The following VAPA variants were observed in gnomAD, a reference collection of about 807,000 sequenced individuals.
VAPA encodes the protein VAMP associated protein A.
A neutral mutation model predicts 25.6 loss-of-function variants in VAPA; 6 were observed. The ratio of observed to expected loss-of-function variants is 0.23; its 90% confidence interval spans 0.13 to 0.46. The LOEUF (loss-of-function observed/expected upper bound fraction) is 0.46, where lower values mean the gene tolerates loss of function less well. Ranked by LOEUF, VAPA falls within the 20% of genes least tolerant of loss-of-function variation. The pLI, the probability that VAPA is intolerant of heterozygous loss-of-function variation, is 0.99. For missense variants in VAPA, 244 were observed against 302.1 expected (o/e 0.81, Z 1.43); for synonymous variants, 112 against 106.2 (o/e 1.05, Z -0.34).
chr18:9,950,595 T>TA (rs758252751), intron 5 of VAPA, 27 bp downstream of exon 5: 1 of 1,602,890 alleles, frequency 6.2e-7, no homozygotes, highest in South Asian at 1.1e-5. Flanking sequence ...GAAAATAAAT[T>TA]GATTGAAATG....
intron 1 of VAPA, among the ~76,000 whole-genome samples, chr18:9,929,731 T>G (rs1344903450): frequency 6.6e-6 from 1 of 152,152 alleles, no homozygotes; most frequent in African/African-American, 2.4e-5. Flanking sequence ...GCTCAAACTC[T>G]TAGCTATCTG....
intron 1 of VAPA, among the ~76,000 whole-genome samples, chr18:9,916,950 A>T (rs2069116662): frequency 6.6e-6 from 1 of 152,254 alleles, no homozygotes; most frequent in Non-Finnish European, 1.5e-5. Context: ...CTTGAAGATG[A>T]ATTAACAGTA....
intron 1 of VAPA, among the ~76,000 whole-genome samples, chr18:9,917,343 T>TG (rs767031380): frequency 3.4e-4 from 51 of 152,238 alleles, no homozygotes; most frequent in Non-Finnish European, 6.3e-4. Flanking sequence ...CTTGCTCTGT[T>TG]GCAGTGGCTC....
At position 9,946,457 on chromosome 18, in the gene VAPA, T is replaced by C. The variant is rs1436580771; in HGVS notation, c.418-3938T>C. ...ATTCGTAAACTTTCTTAAAACACTATGAGTTTTTTTTTGTGTGATTTTTTT... is the reference window on the plus strand; with the variant it reads ...ATTCGTAAACTTTCTTAAAACACTACGAGTTTTTTTTTGTGTGATTTTTTT... On this transcript the variant is annotated intron_variant, in intron 4 of 5. Coordinates refer to ENST00000400000, the MANE Select transcript of VAPA (RefSeq NM_194434.3). 2.7e-5 allele frequency among the ~76,000 whole-genome samples: 4 copies of C among 147,862 alleles called. No homozygotes were observed. In the South Asian group the frequency reaches 6.5e-4, roughly 24 times the overall value.
Position 9,958,949 on chromosome 18 carries a change from C to G in VAPA, c.*4738C>G, listed in dbSNP as rs2069579073. The G allele has an allele frequency of 1.3e-5, 2 of 152,196 alleles. No individual in the cohort carries two copies. Among genetic ancestry groups the G allele is most frequent in the South Asian group, 4.1e-4 (2 of 4,830 alleles). The allele number at this position is 152,196 out of a possible 1,614,324, so 9.4% of individuals were successfully genotyped here. ...TACCTGAGAAATTTATTTTGTCCAT[C>G]ATGTATTTCTCAAAGCAAAAGGTGG... On this transcript the variant is annotated 3_prime_UTR_variant, in exon 6 of 6. Coordinates refer to ENST00000400000, the MANE Select transcript of VAPA (RefSeq NM_194434.3).
intron 5 of VAPA, among the ~76,000 whole-genome samples, chr18:9,951,792 G>A (rs1405293460): frequency 2.0e-5 from 3 of 152,164 alleles, no homozygotes; most frequent in Non-Finnish European, 4.4e-5. Flanking sequence ...TAAATTAAAG[G>A]CACTGTGTTT....
chr18:9,925,413 A>G (rs1370657877), intron 1 of VAPA, among the ~76,000 whole-genome samples: 2 of 152,122 alleles, frequency 1.3e-5, no homozygotes, highest in African/African-American at 2.4e-5. Context: ...TGTTAGTGAA[A>G]TCTTATGAAG....
intron 2 of VAPA, among the ~76,000 whole-genome samples, chr18:9,932,784 A>G (rs942551872): frequency 3.9e-5 from 6 of 152,214 alleles, no homozygotes; most frequent in African/African-American, 1.4e-4. Flanking sequence ...CATCTCTCCC[A>G]GATTGGAATC....
Position 9,959,860 on chromosome 18 carries a change from ACTTT to A in VAPA, c.*5654_*5657del, listed in dbSNP as rs935573043. On this transcript the variant is annotated 3_prime_UTR_variant, in exon 6 of 6. Coordinates refer to ENST00000400000, the MANE Select transcript of VAPA (RefSeq NM_194434.3). ...TAGGAATTACAGTTGTGGGGAGCAA[ACTTT>A]CTTTTTTGTGCTGTTTTAATTCAAA... is the stretch of plus-strand genomic sequence containing the variant. 2 of 152,032 alleles carry A rather than the reference ACTTT, an allele frequency of 1.3e-5. No homozygotes were observed. The highest frequency in any genetic ancestry group is 4.8e-5 in the African/African-American group (2 of 41,412). The allele number at this position is 152,032 out of a possible 1,614,324, so 9.4% of individuals were successfully genotyped here.
At position 9,954,358 on chromosome 18, in the gene VAPA, T is replaced by C; in HGVS notation, c.*147T>C. 2.9e-6 allele frequency: 2 copies of C among 680,572 alleles called. 1 individual carries two copies. Among genetic ancestry groups the C allele is most frequent in the South Asian group, 4.1e-5 (2 of 49,226 alleles). The allele number at this position is 680,572 out of a possible 1,614,324, so 42.2% of individuals were successfully genotyped here. On this transcript the variant is annotated 3_prime_UTR_variant, in exon 6 of 6. Transcript: ENST00000400000. ...CATATAGGCTTTGCCTTTAATGATC[T>C]CTTACGGTTAGAAAACACAATAAAA...
intron 4 of VAPA, chr18:9,945,047 G>T (rs747483482): frequency 6.2e-7 from 1 of 1,614,064 alleles, no homozygotes; most frequent in Non-Finnish European, 8.5e-7. Flanking sequence ...GTTGAAACAG[G>T]AGAAACAGAA....
chr18:9,926,408 C>T (rs977697062), intron 1 of VAPA, among the ~76,000 whole-genome samples: 2 of 152,130 alleles, frequency 1.3e-5, no homozygotes. Context: ...TTAGTCTGCA[C>T]TGCATAGCTA....
At chr18:9,919,917 G>A (rs1181162841) in intron 1 of VAPA, among the ~76,000 whole-genome samples, 1 of 152,192 alleles carries the variant, frequency 6.6e-6, no homozygotes, top group Non-Finnish European at 1.5e-5. Flanking sequence ...CTGGCAAGTG[G>A]TGACCCCTTG....
At chr18:9,936,248 G>A in intron 3 of VAPA, 35 bp downstream of exon 3, 1 of 1,406,688 alleles carries the variant, frequency 7.1e-7, no homozygotes. Flanking sequence ...TTGGGAAGTG[G>A]AGTTTAAACT....
intron 2 of VAPA, among the ~76,000 whole-genome samples, chr18:9,935,454 G>GTCT (rs2069299718): frequency 6.6e-6 from 1 of 152,128 alleles, no homozygotes; most frequent in Non-Finnish European, 1.5e-5. Context: ...TGTGGCTATA[G>GTCT]TCTTAGCTAT....
rs758584275 is a variant in VAPA at position 9,954,041 on chromosome 18, T to G, written c.592-12T>G. 9.3e-6 allele frequency: 15 copies of G among 1,612,130 alleles called. No individual in the cohort carries two copies. The Admixed American group carries it at 2.2e-4, about 23-fold the overall frequency. ...TTTTTAAAAACCTTTTGTGTGTGTG[T>G]TTTTTTTCTAGGATGAAGGTTTAAG... On this transcript the variant is annotated splice_polypyrimidine_tract_variant and intron_variant, in intron 5 of 5. Transcript: ENST00000400000.
At position 9,954,034 on chromosome 18, in the gene VAPA, G is replaced by A. The variant is rs766947247; in HGVS notation, c.592-19G>A. The A allele has an allele frequency of 5.0e-6, 8 of 1,612,700 alleles. No individual in the cohort carries two copies. The Admixed American group carries it at 1.2e-4, about 24-fold the overall frequency. On this transcript the variant is annotated intron_variant, in intron 5 of 5. Transcript: ENST00000400000. ...ATGCTTGTTTTTAAAAACCTTTTGTGTGTGTGTTTTTTTTCTAGGATGAAG... is the reference window on the plus strand; with the variant it reads ...ATGCTTGTTTTTAAAAACCTTTTGTATGTGTGTTTTTTTTCTAGGATGAAG...
intron 4 of VAPA, chr18:9,944,835 A>G: frequency 6.8e-7 from 1 of 1,474,488 alleles, no homozygotes; most frequent in Non-Finnish European, 9.2e-7. Context: ...TTAGAGCCTA[A>G]TGCTTTCTGT....
intron 4 of VAPA, among the ~76,000 whole-genome samples, chr18:9,937,988 C>T (rs1028349814): frequency 6.6e-6 from 1 of 152,090 alleles, no homozygotes; most frequent in African/African-American, 2.4e-5. Context: ...TAAAATGCCT[C>T]TTTTAAGTGA....
Sources: gnomAD v4.1 joint callset for allele counts (sites outside exome capture counted in the v4.1 genomes callset) on GRCh38, gnomAD v4.1.1 for gene constraint, MANE v1.5 for transcripts, NCBI Gene and HGNC (gene_info 2026-07-23, HGNC 2026-07-21) for gene names.